AFF4: variants seen among roughly 807,000 people sequenced by gnomAD.
AFF4 encodes ALF transcription elongation factor 4.
In AFF4, 13 loss-of-function variants were observed where a neutral mutation model predicts 124.8. The ratio of observed to expected loss-of-function variants is 0.10; its 90% CI spans 0.07 to 0.17. AFF4 has a LOEUF of 0.17. Ranked by LOEUF, AFF4 falls within the 10% of genes least tolerant of loss-of-function variation. The pLI is 1.00. For synonymous variants in AFF4, 477 were observed against 496.1 expected, an observed-to-expected ratio of 0.96 and a Z score of 0.51; for missense variants, 1,092 against 1,403.8, an observed-to-expected ratio of 0.78 and a Z score of 3.55.
At chr5:132,916,239 A>C (rs1760907755) in intron 5 of AFF4, among the ~76,000 whole-genome samples, 2 of 25,234 alleles carry the variant, frequency 7.9e-5, no homozygotes, top group Non-Finnish European at 2.0e-4. Context: ...ATGCTGTCTC[A>C]AAAAAAAAAA....
intron 2 of AFF4, among the ~76,000 whole-genome samples, chr5:132,936,799 C>T (rs547070309): frequency 1.3e-5 from 2 of 152,262 alleles, no homozygotes; most frequent in Non-Finnish European, 2.9e-5. Flanking sequence ...TGGTAATGCT[C>T]TATTTCTTGA....
chr5:132,963,185 CCA>C, intron 1 of AFF4, 72 bp downstream of exon 1: 3 of 383,600 alleles, frequency 7.8e-6, no homozygotes, highest in Non-Finnish European at 1.4e-5. Flanking sequence ...TTGCGGGCCC[CCA>C]CCCCCACCCG....
Position 132,887,877 on chromosome 5 carries a change from G to T in AFF4, c.2902C>A (p.Pro968Thr). ...AGATCCACCGTCTCTGAATACATAG[G>T]GAATGGGGATTTGGATTCCTGAGCA... ...KNAQESKSPF[P>T]MYSETVDLIK... Residue 968 changes from proline (P) to threonine (T), a missense_variant, in exon 16 of 21, where the codon CCT (proline) becomes ACT (threonine). Physicochemically the swap from Pro to Thr is conservative, Grantham distance 38. Transcript: ENST00000265343. 1 of 1,613,772 alleles carries T rather than the reference G, an allele frequency of 6.2e-7. No homozygotes were observed. Among genetic ancestry groups the T allele is most frequent in the Non-Finnish European group, 8.5e-7 (1 of 1,179,934 alleles).
chr5:132,952,850 A>G (rs746462222), intron 1 of AFF4, among the ~76,000 whole-genome samples: 4 of 152,142 alleles, frequency 2.6e-5, no homozygotes, highest in Non-Finnish European at 5.9e-5. Flanking sequence ...ATGAGCCAAG[A>G]TCGTACCACT....
rs754989772 is a variant in AFF4, at chr5:132,934,945, C to CA, written c.124-5dup. On this transcript the variant is annotated splice_region_variant and splice_polypyrimidine_tract_variant and intron_variant, in intron 2 of 20. Coordinates refer to ENST00000265343, the MANE Select transcript of AFF4 (RefSeq NM_014423.4). Reference sequence around the variant, plus strand: ...ATAACTTATCTTCTTTGCTAGTCTACAAAAAAATAAAATAAAATAAAATTA... The same window carrying CA: ...ATAACTTATCTTCTTTGCTAGTCTACAAAAAAAATAAAATAAAATAAAATTA... 2.7e-6 allele frequency: 4 copies of CA among 1,501,396 alleles called. No individual in the cohort carries two copies. The Admixed American group carries it at 6.9e-5, about 26-fold the overall frequency. The allele number at this position is 1,501,396 out of a possible 1,614,324, so 93.0% of individuals were successfully genotyped here.
chr5:132,953,674 C>G (rs1761891405), intron 1 of AFF4, among the ~76,000 whole-genome samples: 1 of 152,222 alleles, frequency 6.6e-6, no homozygotes, highest in Admixed American at 6.5e-5. Flanking sequence ...AGCCAGCCAA[C>G]TGCTTTTGCT....
chr5:132,921,947 AT>A (rs922463188), intron 5 of AFF4, among the ~76,000 whole-genome samples: 96 of 150,126 alleles, frequency 6.4e-4, no homozygotes, highest in Middle Eastern at 3.4e-3. Flanking sequence ...TGCCTGGGTA[AT>A]TTTTTTTTTA....
At chr5:132,908,432 C>A (rs1760717532) in intron 5 of AFF4, among the ~76,000 whole-genome samples, 1 of 151,948 alleles carries the variant, frequency 6.6e-6, no homozygotes, top group African/African-American at 2.4e-5. Context: ...CTTATTAAAT[C>A]ACAGTAACAA....
chr5:132,888,065 AATACGT>A (rs768116773), intron 15 of AFF4, 26 bp downstream of exon 15: 1 of 1,606,294 alleles, frequency 6.2e-7, no homozygotes, highest in Non-Finnish European at 8.5e-7. Flanking sequence ...AATTTGATTA[AATACGT>A]AAGTGTAAGG....
chr5:132,909,938 A>G (rs1581293316), intron 5 of AFF4, among the ~76,000 whole-genome samples: 1 of 152,354 alleles, frequency 6.6e-6, no homozygotes, highest in East Asian at 1.9e-4. Flanking sequence ...CTAGGTAAAG[A>G]GGTTCTAGGT....
Position 132,921,082 on chromosome 5 carries a change from G to A in AFF4, c.1050+6039C>T, listed in dbSNP as rs371035918. Among the ~76,000 whole-genome samples the A allele has an allele frequency of 5.3e-5, 8 of 149,920 alleles. No individual in the cohort carries two copies. In the East Asian group the frequency reaches 7.9e-4, roughly 15 times the overall value. On this transcript the variant is annotated intron_variant, in intron 5 of 20. Transcript: ENST00000265343. ...GCGGAGCTTGCAGTGAGCCGAGATC[G>A]CGCCACTGCACTCTAGCCTGAGCGA...
At position 132,878,018 on chromosome 5, in the gene AFF4, T is replaced by C. The variant is rs1175470813; in HGVS notation, c.*3041A>G. Reference sequence around the variant, plus strand: ...AGAATTAAATAAATGGTGGTCAACCTTCTCCACTCTTCGGCAGCTGTAGCT... The same window carrying C: ...AGAATTAAATAAATGGTGGTCAACCCTCTCCACTCTTCGGCAGCTGTAGCT... On this transcript the variant is annotated 3_prime_UTR_variant, in exon 21 of 21. Coordinates refer to ENST00000265343, the MANE Select transcript of AFF4 (RefSeq NM_014423.4). 4.5e-6 allele frequency: 1 copy of C among 222,854 alleles called. No homozygotes were observed. Among genetic ancestry groups the C allele is most frequent in the East Asian group, 6.5e-5 (1 of 15,350 alleles). The allele number at this position is 222,854 out of a possible 1,614,324, so 13.8% of individuals were successfully genotyped here. A position where few individuals can be genotyped will look rare whatever the true frequency, so the allele number is the denominator to read the frequency against.
rs145254804 is a variant in AFF4, at chr5:132,899,496, A to C, written c.1188+91T>G. 5.6e-4 allele frequency: 642 copies of C among 1,148,682 alleles called. 5 individuals carry two copies. In the East Asian group the frequency reaches 0.013, roughly 23 times the overall value. 71.2% of individuals were successfully genotyped at this position (1,148,682 alleles called of 1,614,324 possible). A position where few individuals can be genotyped will look rare whatever the true frequency, so the allele number is the denominator to read the frequency against. On this transcript the variant is annotated intron_variant, in intron 8 of 20. Transcript: ENST00000265343. ...AGAAAGCTTATAAGAAACTTATTTT[A>C]AGTAATAAATGCATTATTCAATTAT...
chr5:132,931,645 A>C (rs1048385672), intron 4 of AFF4, among the ~76,000 whole-genome samples: 7 of 152,202 alleles, frequency 4.6e-5, no homozygotes, highest in Admixed American at 3.9e-4. Context: ...TTAAGATTAA[A>C]ATTTATTTTA....
chr5:132,926,776 T>C (rs1315363960), intron 5 of AFF4: 1 of 146,162 alleles, frequency 6.8e-6, no homozygotes, highest in East Asian at 2.2e-4. Context: ...ACCAGGCTGG[T>C]CGCAAACTCC....
chr5:132,950,266 G>A (rs1244944360), intron 1 of AFF4, among the ~76,000 whole-genome samples: 1 of 151,768 alleles, frequency 6.6e-6, no homozygotes, highest in Non-Finnish European at 1.5e-5. Context: ...ACCTGAGGTT[G>A]GGAGTTCGAG....
chr5:132,943,367 G>T, intron 1 of AFF4: 1 of 202,098 alleles, frequency 4.9e-6, no homozygotes, highest in East Asian at 1.2e-4. Flanking sequence ...ACATGCTGTG[G>T]CCAAGTGCTA....
At position 132,934,489 on chromosome 5, in the gene AFF4, A is replaced by G. The variant is rs754401306; in HGVS notation, c.576T>C (p.Ser192=). Residue 192 remains serine (S), a synonymous_variant, in exon 3 of 21, where the codon TCT becomes TCC. Transcript: ENST00000265343. ...CATTCCCATGAGACCTGGAATGACTAGAGTTTAATGAAGAAACAGCCTGGG... is the reference window on the plus strand; with the variant it reads ...CATTCCCATGAGACCTGGAATGACTGGAGTTTAATGAAGAAACAGCCTGGG... ...GKPQAVSSLN[S]SHSRSHGNDH... 3.7e-6 allele frequency: 6 copies of G among 1,614,028 alleles called. No individual in the cohort carries two copies. Among genetic ancestry groups the G allele is most frequent in the Non-Finnish European group, 3.4e-6 (4 of 1,180,020 alleles).
chr5:132,896,765 C>G lies in AFF4; in HGVS notation c.1865G>C (p.Arg622Pro), dbSNP rs780325609. The change falls in exon 11 of 21, where the codon CGA becomes CCA. Residue 622 changes from arginine (R) to proline (P), a missense_variant. Arg to Pro is a moderately radical substitution (Grantham distance 103, BLOSUM62 -2). Transcript: ENST00000265343. ...ATATTTCTTTTTCTCTGCTGTAGGT[C>G]GAGGGGAAGACTTAGACTCCTTCTT... The part of the protein sequence containing the change: ...NIKKESKSSP[R>P]PTAEKKKYKS... 1.9e-6 allele frequency: 3 copies of G among 1,614,072 alleles called. No individual in the cohort carries two copies. Among genetic ancestry groups the G allele is most frequent in the Non-Finnish European group, 2.5e-6 (3 of 1,180,022 alleles).
Sources: gnomAD v4.1 joint callset for allele counts (sites outside exome capture counted in the v4.1 genomes callset) on GRCh38, gnomAD v4.1.1 for gene constraint, MANE v1.5 for transcripts, NCBI Gene and HGNC (gene_info 2026-07-23, HGNC 2026-07-21) for gene names.